SAMD5: variants seen among roughly 807,000 people sequenced by gnomAD.
SAMD5 encodes sterile alpha motif domain-containing protein 5.
A neutral mutation model predicts 11.3 loss-of-function variants in SAMD5; 13 were observed. That is an observed-to-expected ratio of 1.15 (90% confidence interval 0.75 to 1.83). SAMD5 has a LOEUF of 1.83. Among genes scored for constraint, SAMD5 ranks in the 40% most tolerant of loss-of-function variants. The pLI, the probability that SAMD5 is intolerant of heterozygous loss-of-function variation, is 0.00. For missense variants in SAMD5, 255 were observed against 239.1 expected (o/e 1.07, Z -0.44); for synonymous variants, 129 against 111.3 (o/e 1.16, Z -1.00).
chr6:147,866,111 AT>A, the SAMD5 span, among the ~76,000 whole-genome samples: 49,797 of 150,182 alleles, frequency 0.33, 8,294 homozygotes, highest in Admixed American at 0.35. Context: ...GTGAGCTGAA[AT>A]TTTTTTTTTT....
chr6:147,607,673 C>A (rs1789723303), intron 1 of SAMD5, among the ~76,000 whole-genome samples: 1 of 152,170 alleles, frequency 6.6e-6, no homozygotes, highest in African/African-American at 2.4e-5. Context: ...TATAAGACTT[C>A]AAACGATGAA....
chr6:147,600,843 G>C (rs528493933), intron 1 of SAMD5, among the ~76,000 whole-genome samples: 1 of 152,268 alleles, frequency 6.6e-6, no homozygotes, highest in African/African-American at 2.4e-5. Context: ...GTGAGATGAG[G>C]CTATCTCGAA....
At chr6:147,667,951 GA>G (rs1790745071) in intron 1 of SAMD5, among the ~76,000 whole-genome samples, 4 of 151,974 alleles carry the variant, frequency 2.6e-5, no homozygotes, top group Admixed American at 2.0e-4. Flanking sequence ...AACATGAAAT[GA>G]AAAAAATATA....
intron 1 of SAMD5, among the ~76,000 whole-genome samples, chr6:147,641,326 G>A (rs989658770): frequency 6.6e-6 from 1 of 152,074 alleles, no homozygotes; most frequent in African/African-American, 2.4e-5. Context: ...CCCACTTGCT[G>A]GGGAGCTCAA....
chr6:147,916,150 T>C, the SAMD5 span, among the ~76,000 whole-genome samples: 6 of 151,696 alleles, frequency 4.0e-5, no homozygotes, highest in East Asian at 1.9e-4. Flanking sequence ...TCCAGTCTAT[T>C]ATTGTTGGAC....
the SAMD5 span, among the ~76,000 whole-genome samples, chr6:147,902,933 A>G: frequency 1.3e-5 from 2 of 152,228 alleles, no homozygotes; most frequent in African/African-American, 2.4e-5. Flanking sequence ...CTAGTTTAAA[A>G]TAAGTGTTTA....
chr6:147,512,301 G>A (rs1204389118), intron 1 of SAMD5, among the ~76,000 whole-genome samples: 4 of 152,170 alleles, frequency 2.6e-5, no homozygotes, highest in Non-Finnish European at 4.4e-5. Context: ...CTGCTTGGTG[G>A]AGTGGGCTTT....
the SAMD5 span, among the ~76,000 whole-genome samples, chr6:147,947,111 C>G: frequency 2.0e-5 from 3 of 152,206 alleles, no homozygotes; most frequent in Non-Finnish European, 4.4e-5. Flanking sequence ...ATTCCTGATT[C>G]TCTGACCATC....
chr6:147,546,437 G>C (rs1481495274), intron 1 of SAMD5, among the ~76,000 whole-genome samples: 9 of 149,824 alleles, frequency 6.0e-5, no homozygotes, highest in Non-Finnish European at 1.2e-4. Context: ...GGCTGAGGCA[G>C]GAGAATCTCT....
At chr6:147,889,982 A>G in the SAMD5 span, among the ~76,000 whole-genome samples, 49 of 152,306 alleles carry the variant, frequency 3.2e-4, 2 homozygotes, top group South Asian at 9.7e-3. Context: ...GAGGGCTGCC[A>G]GGCTCTGCCT....
At chr6:147,521,023 C>A (rs1352387435) in intron 1 of SAMD5, among the ~76,000 whole-genome samples, 1 of 152,080 alleles carries the variant, frequency 6.6e-6, no homozygotes, top group African/African-American at 2.4e-5. Context: ...TTCTCCTTCC[C>A]TCCTGAAAAA....
chr6:147,515,176 G>GTTTT lies in SAMD5; in HGVS notation c.459+5817_459+5820dup, dbSNP rs71031029. Among the ~76,000 whole-genome samples the GTTTT allele has an allele frequency of 1.1e-3, 79 of 75,004 alleles. 4 individuals are homozygous for GTTTT. Among genetic ancestry groups the GTTTT allele is most frequent in the East Asian group, 5.4e-3 (12 of 2,242 alleles). The allele number at this position is 75,004 out of a possible 152,430, so 49.2% of individuals were successfully genotyped here. On this transcript the variant is annotated intron_variant, in intron 1 of 1. Transcript: ENST00000367474. ...ATACCCTCAACCTATATCCTTCCAG[G>GTTTT]TTTTTTTTTTTTTTTTTTTTTTTTT...
chr6:147,576,340 C>T (rs1789216617), intron 1 of SAMD5, among the ~76,000 whole-genome samples: 1 of 152,130 alleles, frequency 6.6e-6, no homozygotes, highest in Non-Finnish European at 1.5e-5. Context: ...GGGGTTTAGC[C>T]ATTTCGGCTA....
the SAMD5 span, among the ~76,000 whole-genome samples, chr6:147,756,702 T>G: frequency 3.3e-5 from 5 of 152,212 alleles, no homozygotes; most frequent in Non-Finnish European, 7.4e-5. Flanking sequence ...TTATCAACCC[T>G]GCGCTCGCGC....
chr6:147,897,715 C>A, the SAMD5 span, among the ~76,000 whole-genome samples: 1 of 151,882 alleles, frequency 6.6e-6, no homozygotes, highest in Non-Finnish European at 1.5e-5. Context: ...GAAGCCAAGG[C>A]GGGTGGATCA....
chr6:147,828,266 C>T, the SAMD5 span, among the ~76,000 whole-genome samples: 3 of 152,274 alleles, frequency 2.0e-5, no homozygotes, highest in East Asian at 5.8e-4. Context: ...AAGAAATGCT[C>T]CATGTGAATA....
At chr6:147,825,042 C>T in the SAMD5 span, among the ~76,000 whole-genome samples, 1 of 152,170 alleles carries the variant, frequency 6.6e-6, no homozygotes, top group Non-Finnish European at 1.5e-5. Context: ...TGCCTGTAGT[C>T]CCAGCACTTT....
intron 1 of SAMD5, among the ~76,000 whole-genome samples, chr6:147,718,690 G>GTT (rs57474457): frequency 3.8e-4 from 58 of 151,498 alleles, no homozygotes; most frequent in African/African-American, 1.2e-3. Context: ...GCTCTTTCTC[G>GTT]TTTTTTTTCT....
chr6:147,640,496 G>GCAAAA (rs1790294859), intron 1 of SAMD5, among the ~76,000 whole-genome samples: 1 of 14,684 alleles, frequency 6.8e-5, no homozygotes, highest in Non-Finnish European at 1.4e-4. Context: ...AGACTCTGTC[G>GCAAAA]CAAAAAAAAA....
Sources: gnomAD v4.1 joint callset for allele counts (sites outside exome capture counted in the v4.1 genomes callset) on GRCh38, gnomAD v4.1.1 for gene constraint, MANE v1.5 for transcripts, NCBI Gene and HGNC (gene_info 2026-07-23, HGNC 2026-07-21) for gene names.